PSG3: variants seen among roughly 807,000 people sequenced by gnomAD.
PSG3 encodes the protein pregnancy specific beta-1-glycoprotein 3.
PSG3 carries 61 observed loss-of-function variants against 47.5 expected under a neutral mutation model. The observed-to-expected ratio is 1.28, with a 90% CI of 1.05 to 1.59. The LOEUF (loss-of-function observed/expected upper bound fraction) is 1.59, where lower values mean the gene tolerates loss of function less well. Ranked by LOEUF, PSG3 falls within the 40% of genes most tolerant of loss-of-function variation. The pLI is 0.00. For synonymous variants in PSG3, 263 were observed against 198.4 expected, an observed-to-expected ratio of 1.33 and a Z score of -2.74; for missense variants, 756 against 524.0, an observed-to-expected ratio of 1.44 and a Z score of -4.32.
rs1042485264 is a variant in PSG3 at position 42,722,103 on chromosome 19, A to C, written c.*41-13T>G. 1 of 412,318 alleles carries C rather than the reference A, an allele frequency of 2.4e-6. No individual in the cohort carries two copies. The highest frequency in any genetic ancestry group is 2.1e-5 in the African/African-American group (1 of 48,684). 25.5% of individuals were successfully genotyped at this position (412,318 alleles called of 1,614,324 possible). On this transcript the variant is annotated splice_polypyrimidine_tract_variant and intron_variant, in intron 6 of 6. Coordinates refer to ENST00000327495, the MANE Select transcript of PSG3 (RefSeq NM_021016.4). ...TGAAAGCAACTGTCTGGGAATGACAAAGATTTAAAATGACTATGGTTAAAA... is the reference window on the plus strand; with the variant it reads ...TGAAAGCAACTGTCTGGGAATGACACAGATTTAAAATGACTATGGTTAAAA...
intron 2 of PSG3, among the ~76,000 whole-genome samples, chr19:42,737,825 A>T (rs1432281685): frequency 2.0e-5 from 3 of 152,284 alleles, no homozygotes; most frequent in South Asian, 2.1e-4. Context: ...TTTCTCTCAA[A>T]CAAATAAGCT....
Position 42,723,875 on chromosome 19 carries a change from C to G in PSG3, c.*40+67G>C, listed in dbSNP as rs567405613. Reference sequence around the variant, plus strand: ...CAGTCCCAGATACAGGCAAATAAGTCTTTTCCCTCTCCCAAGCATGGCAGT... The same window carrying G: ...CAGTCCCAGATACAGGCAAATAAGTGTTTTCCCTCTCCCAAGCATGGCAGT... On this transcript the variant is annotated intron_variant, in intron 6 of 6. Transcript: ENST00000327495. 5 of 1,293,316 alleles carry G rather than the reference C, an allele frequency of 3.9e-6. No homozygotes were observed. In the African/African-American group the frequency reaches 7.4e-5, roughly 19 times the overall value. The allele number at this position is 1,293,316 out of a possible 1,614,324, so 80.1% of individuals were successfully genotyped here.
intron 2 of PSG3, among the ~76,000 whole-genome samples, chr19:42,737,943 A>C (rs1208171616): frequency 6.6e-6 from 1 of 152,246 alleles, no homozygotes; most frequent in Non-Finnish European, 1.5e-5. Context: ...CACAAACAGC[A>C]TTTATTATTA....
rs1729863427 is a variant in PSG3 at position 42,732,847 on chromosome 19, C to T, written c.646G>A (p.Glu216Lys). ...CTCACTGGGTTCCGTATTTCACATT[C>T]ATAGGGTCCTGCAGTGTACTTTGTG... ...GVTKYTAGPY[E>K]CEIRNPVSAS... Residue 216 changes from glutamate to lysine, a missense_variant, in exon 3 of 7, where the codon GAA (glutamate) becomes AAA (lysine). By Grantham distance (56) the Glu-to-Lys change is moderately conservative (BLOSUM62 1). Transcript: ENST00000327495. 1 of 1,614,066 alleles carries T rather than the reference C, an allele frequency of 6.2e-7. No individual in the cohort carries two copies. Among genetic ancestry groups the T allele is most frequent in the African/African-American group, 1.3e-5 (1 of 74,930 alleles).
chr19:42,722,965 A>G (rs1433026702), intron 6 of PSG3, among the ~76,000 whole-genome samples: 1 of 152,122 alleles, frequency 6.6e-6, no homozygotes. Flanking sequence ...CACTTTTAAA[A>G]ATGTTTTCCA....
At position 42,740,346 on chromosome 19, in the gene PSG3, G is replaced by C; in HGVS notation, c.39C>G (p.Ile13Met). Residue 13 changes from isoleucine to methionine, a missense_variant, in exon 1 of 7, where the codon ATC (isoleucine) becomes ATG (methionine). Transcript: ENST00000327495. ...CTGTGAGCAGGAGCCCCTTCCAGGT[G>C]ATGCGCTGTGTGCAGGGAGGGGCTG... Reference protein sequence around the residue: ...PLSAPPCTQRITWKGLLLTAL... With the variant: ...PLSAPPCTQRMTWKGLLLTAL... 1 of 1,613,980 alleles carries C rather than the reference G, an allele frequency of 6.2e-7. No homozygotes were observed. The highest frequency in any genetic ancestry group is 8.5e-7 in the Non-Finnish European group (1 of 1,179,870).
intron 4 of PSG3, among the ~76,000 whole-genome samples, 196 bp downstream of exon 4, chr19:42,729,582 G>A (rs1373775106): frequency 1.3e-5 from 2 of 152,176 alleles, no homozygotes; most frequent in Non-Finnish European, 2.9e-5. Flanking sequence ...CCCATGACAA[G>A]AGCGTCCCCT....
At chr19:42,726,317 A>G (rs1398666208) in intron 5 of PSG3, among the ~76,000 whole-genome samples, 1 of 152,164 alleles carries the variant, frequency 6.6e-6, no homozygotes, top group Non-Finnish European at 1.5e-5. Flanking sequence ...GAATTTAAAA[A>G]AAGACGTTAA....
At chr19:42,725,906 A>G (rs564098283) in intron 5 of PSG3, among the ~76,000 whole-genome samples, 3 of 150,916 alleles carry the variant, frequency 2.0e-5, no homozygotes, top group South Asian at 2.1e-4. Context: ...AAAAAAAAAA[A>G]AAAGAAAAAA....
Position 42,738,785 on chromosome 19 carries a change from G to C in PSG3, c.369C>G (p.His123Gln), listed in dbSNP as rs563409953. The C allele has an allele frequency of 2.5e-6, 4 of 1,614,132 alleles. No individual in the cohort carries two copies. The South Asian group carries it at 4.4e-5, about 18-fold the overall frequency. Reference sequence around the variant, plus strand: ...TAGTCCCATCACCTCGCTTTACGATGTGTAAGGTGTAGGATCCTGCGTCCT... The same window carrying C: ...TAGTCCCATCACCTCGCTTTACGATCTGTAAGGTGTAGGATCCTGCGTCCT... ...TREDAGSYTL[H>Q]IVKRGDGTRG... The change falls in exon 2 of 7, where the codon CAC becomes CAG. Residue 123 changes from histidine to glutamine, a missense_variant. By Grantham distance (24) the His-to-Gln change is conservative (BLOSUM62 0). Coordinates refer to ENST00000327495, the MANE Select transcript of PSG3 (RefSeq NM_021016.4).
chr19:42,724,593 A>G (rs1969346353), intron 5 of PSG3, among the ~76,000 whole-genome samples: 1 of 152,082 alleles, frequency 6.6e-6, no homozygotes. Context: ...AACTCTTATA[A>G]TTGAATTGGT....
intron 3 of PSG3, among the ~76,000 whole-genome samples, chr19:42,731,475 G>A (rs1259692333): frequency 6.6e-6 from 1 of 152,042 alleles, no homozygotes; most frequent in Non-Finnish European, 1.5e-5. Flanking sequence ...ATTCCATACT[G>A]GCCATGCTGC....
chr19:42,732,566 G>A, intron 3 of PSG3: 2 of 1,136,832 alleles, frequency 1.8e-6, no homozygotes, highest in Non-Finnish European at 2.5e-6. Context: ...ACAAGCTGTG[G>A]ACGCTGAGTC....
intron 1 of PSG3, among the ~76,000 whole-genome samples, chr19:42,739,958 C>CT (rs544838262): frequency 0.02 from 2,897 of 145,396 alleles, 69 homozygotes; most frequent in African/African-American, 0.045. Flanking sequence ...TCTTTCCATT[C>CT]TTTTTTTTTT....
intron 6 of PSG3, 39 bp from the exon 7 acceptor site, chr19:42,722,129 A>C: frequency 2.4e-6 from 1 of 408,678 alleles, no homozygotes; most frequent in Non-Finnish European, 4.4e-6. Flanking sequence ...ATGGTTAAAA[A>C]TCTAATGAGA....
intron 4 of PSG3, 101 bp from the exon 5 acceptor site, chr19:42,729,478 C>T (rs1028331543): frequency 4.1e-5 from 63 of 1,520,440 alleles, no homozygotes; most frequent in Non-Finnish European, 5.2e-5. Flanking sequence ...CAAGACACAC[C>T]CTCAAGTGCC....
At chr19:42,734,570 A>G (rs1226540612) in intron 2 of PSG3, among the ~76,000 whole-genome samples, 2 of 152,236 alleles carry the variant, frequency 1.3e-5, no homozygotes, top group African/African-American at 2.4e-5. Context: ...TTTACTGATG[A>G]TCCAAACATC....
intron 4 of PSG3, 99 bp downstream of exon 4, chr19:42,729,679 G>C: frequency 6.4e-7 from 1 of 1,570,052 alleles, no homozygotes; most frequent in Non-Finnish European, 8.6e-7. Context: ...AGAAGTAATG[G>C]TATCTATACT....
At position 42,738,862 on chromosome 19, in the gene PSG3, G is replaced by A. The variant is rs145970990; in HGVS notation, c.292C>T (p.Arg98Ter). 113 of 1,613,962 alleles carry A rather than the reference G, an allele frequency of 7.0e-5. No individual in the cohort carries two copies. The highest frequency in any genetic ancestry group is 9.9e-5 in the South Asian group (9 of 91,088). ...GATGCATTGGAATATACTGTTTCTC[G>A]TCCACTGTATGCAGGCCCATATATA... ...IIIYGPAYSGRETVYSNASLL... is the reference protein window; with the variant it reads ...IIIYGPAYSG The change falls in exon 2 of 7, where the codon CGA becomes TGA. Residue 98 changes from arginine (R) to a stop codon, truncating the protein, a stop_gained. Transcript: ENST00000327495. LOFTEE classifies it high-confidence loss of function.
Sources: gnomAD v4.1 joint callset for allele counts (sites outside exome capture counted in the v4.1 genomes callset) on GRCh38, gnomAD v4.1.1 for gene constraint, MANE v1.5 for transcripts, NCBI Gene and HGNC (gene_info 2026-07-23, HGNC 2026-07-21) for gene names.